The following AFF3 variants were observed in gnomAD, a reference collection of about 807,000 sequenced individuals.
AFF3 encodes the protein AF4/FMR2 family member 3.
In AFF3, 32 loss-of-function variants were observed where a neutral mutation model predicts 129.7. The observed-to-expected ratio is 0.25, with a 90% confidence interval of 0.19 to 0.33. The LOEUF is 0.33. Ranked by LOEUF, AFF3 falls within the 10% of genes least tolerant of loss-of-function variation. The pLI is 1.00. For missense variants in AFF3, 1,373 were observed against 1,592.0 expected (o/e 0.86, Z 2.34); for synonymous variants, 644 against 635.4 (o/e 1.01, Z -0.20).
At chr2:99,607,939 G>A (rs1166393996) in intron 13 of AFF3, among the ~76,000 whole-genome samples, 2 of 152,204 alleles carry the variant, frequency 1.3e-5, no homozygotes, top group Middle Eastern at 6.3e-3. Flanking sequence ...GGATTGAAGA[G>A]GTTTGCTATT....
At chr2:99,705,284 G>A (rs1046975629) in intron 11 of AFF3, among the ~76,000 whole-genome samples, 2 of 152,152 alleles carry the variant, frequency 1.3e-5, no homozygotes, top group African/African-American at 4.8e-5. Flanking sequence ...TAGTCACAAT[G>A]GTTGATGGAT....
chr2:99,826,356 C>T (rs779601552), intron 8 of AFF3, among the ~76,000 whole-genome samples: 9 of 152,278 alleles, frequency 5.9e-5, no homozygotes, highest in South Asian at 2.1e-4. Flanking sequence ...TGCCGGTCAT[C>T]GTGCTCACCC....
intron 7 of AFF3, among the ~76,000 whole-genome samples, chr2:99,923,819 G>A (rs1696034184): frequency 6.6e-6 from 1 of 151,982 alleles, no homozygotes; most frequent in African/African-American, 2.4e-5. Flanking sequence ...CATATTAAAT[G>A]TTTGCTGCCT....
chr2:100,088,242 A>C (rs1208347687), intron 4 of AFF3, among the ~76,000 whole-genome samples: 1 of 152,034 alleles, frequency 6.6e-6, no homozygotes, highest in Non-Finnish European at 1.5e-5. Flanking sequence ...CTCTATTCAC[A>C]GATGACATAA....
At chr2:99,858,281 C>G (rs1257565874) in intron 7 of AFF3, among the ~76,000 whole-genome samples, 1 of 151,474 alleles carries the variant, frequency 6.6e-6, no homozygotes, top group East Asian at 1.9e-4. Context: ...CGTGGTGGCT[C>G]ATGCCTGTAA....
At chr2:99,649,928 T>C (rs1685080906) in intron 12 of AFF3, among the ~76,000 whole-genome samples, 1 of 152,220 alleles carries the variant, frequency 6.6e-6, no homozygotes, top group Admixed American at 6.5e-5. Flanking sequence ...GGCAAAGGAC[T>C]GTACCCAGGT....
At chr2:100,016,437 G>GAAC (rs1683078144) in intron 4 of AFF3, among the ~76,000 whole-genome samples, 2 of 115,014 alleles carry the variant, frequency 1.7e-5, no homozygotes, top group African/African-American at 6.1e-5. Context: ...CAGTGGTGGT[G>GAAC]ATGTGGTGGT....
At chr2:99,672,619 G>A (rs757212614) in intron 11 of AFF3, 30 bp from the exon 12 acceptor site, 1 of 1,606,572 alleles carries the variant, frequency 6.2e-7, no homozygotes. Context: ...GGTACAAAGA[G>A]GTACAGATAG....
chr2:99,628,151 T>A (rs1302353623), intron 13 of AFF3, among the ~76,000 whole-genome samples: 1 of 152,246 alleles, frequency 6.6e-6, no homozygotes, highest in African/African-American at 2.4e-5. Flanking sequence ...GTAAATTTCT[T>A]TGGGCAGTAT....
At chr2:99,571,689 G>T (rs1676489228) in intron 18 of AFF3, among the ~76,000 whole-genome samples, 1 of 152,164 alleles carries the variant, frequency 6.6e-6, no homozygotes, top group African/African-American at 2.4e-5. Context: ...AGAATGGAGG[G>T]CTCACTATAA....
chr2:99,912,003 T>C (rs986230981), intron 7 of AFF3, among the ~76,000 whole-genome samples: 1 of 152,018 alleles, frequency 6.6e-6, no homozygotes, highest in Non-Finnish European at 1.5e-5. Flanking sequence ...AGGAATAGAA[T>C]CCATCTACAG....
chr2:99,971,111 T>C (rs1678328304), intron 7 of AFF3, among the ~76,000 whole-genome samples: 1 of 152,170 alleles, frequency 6.6e-6, no homozygotes, highest in Non-Finnish European at 1.5e-5. Context: ...AGCCACAAGA[T>C]CTAAATCCTC....
At chr2:99,577,208 T>G (rs567553977) in intron 18 of AFF3, among the ~76,000 whole-genome samples, 1 of 152,274 alleles carries the variant, frequency 6.6e-6, no homozygotes, top group African/African-American at 2.4e-5. Flanking sequence ...AGACTAAAAC[T>G]TAGTATTTTA....
chr2:99,633,671 C>T (rs1043969541), intron 13 of AFF3, among the ~76,000 whole-genome samples: 1 of 152,052 alleles, frequency 6.6e-6, no homozygotes, highest in African/African-American at 2.4e-5. Context: ...GAGTTCTCAT[C>T]CTGGCAAGAT....
intron 7 of AFF3, among the ~76,000 whole-genome samples, chr2:99,906,860 C>T (rs1694756592): frequency 6.6e-6 from 1 of 151,988 alleles, no homozygotes; most frequent in Admixed American, 6.6e-5. Context: ...CACACACACA[C>T]ACACACACAC....
At chr2:100,024,067 C>T (rs1683822563) in intron 4 of AFF3, among the ~76,000 whole-genome samples, 1 of 150,806 alleles carries the variant, frequency 6.6e-6, no homozygotes, top group South Asian at 2.1e-4. Flanking sequence ...CCTGACTCTA[C>T]TAAGAACACC....
chr2:99,885,093 G>A (rs999981189), intron 7 of AFF3, among the ~76,000 whole-genome samples: 1 of 152,126 alleles, frequency 6.6e-6, no homozygotes, highest in Non-Finnish European at 1.5e-5. Context: ...ATCACCTAGA[G>A]GATAAATCTA....
intron 7 of AFF3, among the ~76,000 whole-genome samples, chr2:99,872,781 C>T (rs996332209): frequency 3.9e-5 from 6 of 151,948 alleles, no homozygotes; most frequent in Non-Finnish European, 1.5e-5. Context: ...GTTCATTATA[C>T]GACATTTAAA....
At chr2:99,766,088 G>A (rs1288152093) in intron 8 of AFF3, among the ~76,000 whole-genome samples, 1 of 152,200 alleles carries the variant, frequency 6.6e-6, no homozygotes, top group African/African-American at 2.4e-5. Context: ...AGTGTAGCGG[G>A]AGGCTACCTG....
Sources: gnomAD v4.1 joint callset for allele counts (sites outside exome capture counted in the v4.1 genomes callset) on GRCh38, gnomAD v4.1.1 for gene constraint, MANE v1.5 for transcripts, NCBI Gene and HGNC (gene_info 2026-07-23, HGNC 2026-07-21) for gene names.